Variants in ZNF366 observed in about 807,000 individuals in gnomAD.
ZNF366 encodes zinc finger protein 366.
ZNF366 carries 20 observed loss-of-function variants against 47.2 expected under a neutral mutation model. The ratio of observed to expected loss-of-function variants is 0.42; its 90% CI spans 0.30 to 0.62. ZNF366 has a LOEUF of 0.62. Among genes scored for constraint, ZNF366 ranks in the 20% least tolerant of loss-of-function variants. The pLI is 0.16. For missense variants in ZNF366, 987 were observed against 976.3 expected, an observed-to-expected ratio of 1.01 and a Z score of -0.15; for synonymous variants, 421 against 395.1, an observed-to-expected ratio of 1.07 and a Z score of -0.78.
rs770012293 is a variant in ZNF366 at position 72,460,876 on chromosome 5, C to A, written c.621G>T (p.Gln207His). Reference protein sequence around the residue: ...PFSRHTFLPKQPPEPLLPRKA... With the variant: ...PFSRHTFLPKHPPEPLLPRKA... ...TCCGGGGCAGCAGAGGTTCCGGGGGCTGCTTGGGCAGGAAGGTGTGCCGGC... is the reference window on the plus strand; with the variant it reads ...TCCGGGGCAGCAGAGGTTCCGGGGGATGCTTGGGCAGGAAGGTGTGCCGGC... Residue 207 changes from glutamine to histidine, a missense_variant, in exon 2 of 5, where the codon CAG (glutamine) becomes CAT (histidine). Physicochemically the swap from Gln to His is conservative, Grantham distance 24. This residue lies in a region of ZNF366 where 591 missense variants were observed against 560.9 expected (regional missense o/e 1.05). Transcript: ENST00000318442. 3.1e-6 allele frequency: 5 copies of A among 1,613,738 alleles called. No homozygotes were observed. In the South Asian group the frequency reaches 5.5e-5, roughly 18 times the overall value.
In ZNF366 at chr5:72,443,891, G is replaced by A; in HGVS notation, c.2100C>T (p.Leu700=). The A allele has an allele frequency of 3.1e-6, 5 of 1,614,188 alleles. No homozygotes were observed. The highest frequency in any genetic ancestry group is 1.3e-5 in the African/African-American group (1 of 75,034). The part of the protein sequence containing the change: ...ERDCAGRDEC[L]SLRAFQSTRR... Reference sequence around the variant, plus strand: ...GGGTACTCTGAAAAGCCCTGAGACTGAGACACTCATCTCTGCCGGCACAGT... The same window carrying A: ...GGGTACTCTGAAAAGCCCTGAGACTAAGACACTCATCTCTGCCGGCACAGT... Residue 700 remains leucine, a synonymous_variant, in exon 5 of 5, where the codon CTC becomes CTT. Coordinates refer to ENST00000318442, the MANE Select transcript of ZNF366 (RefSeq NM_152625.3).
intron 1 of ZNF366, among the ~76,000 whole-genome samples, chr5:72,488,226 A>C (rs1055160518): frequency 2.0e-5 from 3 of 151,934 alleles, no homozygotes; most frequent in Non-Finnish European, 4.4e-5. Context: ...AAAAAAAAAA[A>C]AACTTACATA....
intron 3 of ZNF366, among the ~76,000 whole-genome samples, chr5:72,450,934 GC>G (rs1743056169): frequency 6.6e-6 from 1 of 152,200 alleles, no homozygotes; most frequent in African/African-American, 2.4e-5. Flanking sequence ...TGAGATGTGA[GC>G]CCCAAGCAGA....
intron 3 of ZNF366, among the ~76,000 whole-genome samples, chr5:72,453,794 CAG>C (rs772792559): frequency 9.2e-5 from 14 of 152,326 alleles, no homozygotes; most frequent in South Asian, 4.1e-4. Flanking sequence ...GTCTCAGAGA[CAG>C]AGGGCTGTGA....
intron 1 of ZNF366, among the ~76,000 whole-genome samples, chr5:72,497,571 A>G (rs1744139609): frequency 6.6e-6 from 1 of 152,110 alleles, no homozygotes; most frequent in East Asian, 1.9e-4. Flanking sequence ...ATTTCTAATT[A>G]TTTTCTGTCC....
chr5:72,467,280 G>T (rs1743449954), intron 1 of ZNF366, among the ~76,000 whole-genome samples: 1 of 152,216 alleles, frequency 6.6e-6, no homozygotes, highest in Non-Finnish European at 1.5e-5. Context: ...CTGTGTTAAA[G>T]GAATCTGGGG....
chr5:72,487,066 C>T (rs931745241), intron 1 of ZNF366, among the ~76,000 whole-genome samples: 10 of 152,190 alleles, frequency 6.6e-5, no homozygotes, highest in Non-Finnish European at 1.0e-4. Flanking sequence ...TGAGCCACTA[C>T]GCCCTGATTC....
chr5:72,443,867 G>A lies in ZNF366; in HGVS notation c.2124C>T (p.Thr708=). 1 of 1,614,146 alleles carries A rather than the reference G, an allele frequency of 6.2e-7. No individual in the cohort carries two copies. Among genetic ancestry groups the A allele is most frequent in the Non-Finnish European group, 8.5e-7 (1 of 1,180,032 alleles). The stretch of plus-strand genomic sequence containing the variant: ...AATCAGAAAAAGAGGGGCCCCGCCG[G>A]GTACTCTGAAAAGCCCTGAGACTGA... ...ECLSLRAFQS[T]RRGPSFSDYL... The change falls in exon 5 of 5, where the codon ACC becomes ACT. Residue 708 remains threonine, a synonymous_variant. Coordinates refer to ENST00000318442, the MANE Select transcript of ZNF366 (RefSeq NM_152625.3).
In ZNF366 at chr5:72,460,845, C is replaced by T. The variant is rs1461997166; in HGVS notation, c.652G>A (p.Glu218Lys). ...TTGGTCTCCTCGCTCTCCTGGGGCT[C>T]GGCTTTCCGGGGCAGCAGAGGTTCC... is the stretch of plus-strand genomic sequence containing the variant. ...PPEPLLPRKA[E>K]PQESEETKQK... Residue 218 changes from glutamate (E) to lysine (K), a missense_variant, in exon 2 of 5, where the codon GAG becomes AAG. Glu to Lys is a moderately conservative substitution (Grantham distance 56). This residue lies in a region of ZNF366 where 591 missense variants were observed against 560.9 expected (regional missense o/e 1.05). Coordinates refer to ENST00000318442, the MANE Select transcript of ZNF366 (RefSeq NM_152625.3). 12 of 1,613,866 alleles carry T rather than the reference C, an allele frequency of 7.4e-6. No homozygotes were observed. The highest frequency in any genetic ancestry group is 3.3e-5 in the Admixed American group (2 of 60,012).
intron 1 of ZNF366, among the ~76,000 whole-genome samples, chr5:72,483,347 C>T (rs1743825937): frequency 6.6e-6 from 1 of 152,056 alleles, no homozygotes; most frequent in Non-Finnish European, 1.5e-5. Flanking sequence ...GAGCATTATG[C>T]CAGACATTTA....
At chr5:72,501,399 A>G (rs1744207298) in intron 1 of ZNF366, among the ~76,000 whole-genome samples, 1 of 152,244 alleles carries the variant, frequency 6.6e-6, no homozygotes, top group African/African-American at 2.4e-5. Flanking sequence ...ACAGACACCT[A>G]GAACCCCAAT....
At chr5:72,449,047 G>T (rs1743011615) in intron 3 of ZNF366, among the ~76,000 whole-genome samples, 1 of 152,108 alleles carries the variant, frequency 6.6e-6, no homozygotes, top group Admixed American at 6.5e-5. Flanking sequence ...TGACCTAAGA[G>T]GGGAAAAGGA....
chr5:72,491,941 A>G (rs1744018651), intron 1 of ZNF366, among the ~76,000 whole-genome samples: 1 of 152,188 alleles, frequency 6.6e-6, no homozygotes, highest in South Asian at 2.1e-4. Flanking sequence ...ACTGGCCAAA[A>G]CCCCTGGGAT....
intron 1 of ZNF366, among the ~76,000 whole-genome samples, chr5:72,494,723 A>T (rs1331879900): frequency 1.3e-5 from 2 of 151,752 alleles, no homozygotes; most frequent in African/African-American, 2.4e-5. Context: ...TTCTGCACTG[A>T]GACTGAAGTT....
intron 1 of ZNF366, among the ~76,000 whole-genome samples, chr5:72,470,771 G>A (rs569356920): frequency 4.6e-5 from 7 of 152,126 alleles, no homozygotes; most frequent in African/African-American, 9.7e-5. Context: ...AGCCAACCTC[G>A]CGTAAATTAA....
intron 1 of ZNF366, among the ~76,000 whole-genome samples, chr5:72,500,100 T>C (rs1193146241): frequency 6.6e-6 from 1 of 152,150 alleles, no homozygotes; most frequent in Non-Finnish European, 1.5e-5. Flanking sequence ...CGTCTCCTCT[T>C]TGGCTGTGAT....
intron 1 of ZNF366, among the ~76,000 whole-genome samples, chr5:72,503,358 C>G (rs1744252261): frequency 6.6e-6 from 1 of 152,102 alleles, no homozygotes; most frequent in Admixed American, 6.5e-5. Context: ...AAGCATGGCT[C>G]TTAAAACGAG....
intron 2 of ZNF366, 28 bp from the exon 3 acceptor site, chr5:72,456,623 G>A: frequency 1.3e-6 from 2 of 1,550,386 alleles, no homozygotes; most frequent in South Asian, 2.4e-5. Flanking sequence ...TCAGAAAAGT[G>A]GTGATTGACA....
chr5:72,463,476 CT>C (rs1330889816), intron 1 of ZNF366, among the ~76,000 whole-genome samples: 6 of 152,132 alleles, frequency 3.9e-5, no homozygotes, highest in Non-Finnish European at 8.8e-5. Flanking sequence ...GGGTTTGGGG[CT>C]TAGTAATTAT....
Sources: gnomAD v4.1 joint callset for allele counts (sites outside exome capture counted in the v4.1 genomes callset) on GRCh38, gnomAD v4.1.1 for gene constraint, gnomAD v4.1.1 regional missense constraint, MANE v1.5 for transcripts, NCBI Gene and HGNC (gene_info 2026-07-23, HGNC 2026-07-21) for gene names.